The following AKAP7 variants were observed in gnomAD, a reference collection of about 807,000 sequenced individuals.
The protein encoded by AKAP7 is A-kinase anchoring protein 7.
Under a neutral mutation model 39.5 loss-of-function variants are expected in AKAP7, and 39 were observed. The observed-to-expected ratio is 0.99, with a 90% CI of 0.76 to 1.29. AKAP7 has a LOEUF of 1.29. Ranked by LOEUF, AKAP7 falls within the 50% of genes most tolerant of loss-of-function variation. AKAP7 has a pLI of 0.00. For missense variants in AKAP7, 414 were observed against 407.7 expected (o/e 1.02, Z -0.13); for synonymous variants, 140 against 139.1 (o/e 1.01, Z -0.05).
the AKAP7 span, among the ~76,000 whole-genome samples, chr6:131,126,990 C>A: frequency 1.3e-5 from 2 of 151,862 alleles, no homozygotes; most frequent in African/African-American, 2.4e-5. Flanking sequence ...AGAGACAGGG[C>A]AGGTAGATTT....
At chr6:131,280,334 G>C (rs1024057092) in intron 7 of AKAP7, among the ~76,000 whole-genome samples, 5 of 152,074 alleles carry the variant, frequency 3.3e-5, no homozygotes, top group South Asian at 2.1e-4. Flanking sequence ...GAATGATGGG[G>C]ATGGTTATAA....
intron 6 of AKAP7, among the ~76,000 whole-genome samples, chr6:131,201,767 GTA>G (rs1250675091): frequency 6.6e-6 from 1 of 152,062 alleles, no homozygotes; most frequent in Non-Finnish European, 1.5e-5. Context: ...ATTAATTTTT[GTA>G]TAAGGTGTAA....
chr6:131,241,942 C>G lies in AKAP7; in HGVS notation c.850+22134C>G, dbSNP rs915818349. 13 of 655,504 alleles carry G rather than the reference C, an allele frequency of 2.0e-5. No homozygotes were observed. In the Admixed American group the frequency reaches 3.8e-4, roughly 19 times the overall value. 40.6% of individuals were successfully genotyped at this position (655,504 alleles called of 1,614,324 possible). A position where few individuals can be genotyped will look rare whatever the true frequency, so the allele number is the denominator to read the frequency against. ...ATTGCATCTTCTACAGAGAAACTTGCTCTGGTAGAAATGAAGATAATGAGG... is the reference window on the plus strand; with the variant it reads ...ATTGCATCTTCTACAGAGAAACTTGGTCTGGTAGAAATGAAGATAATGAGG... On this transcript the variant is annotated intron_variant, in intron 7 of 7. Coordinates refer to ENST00000431975, the MANE Select transcript of AKAP7 (RefSeq NM_016377.4).
upstream of AKAP7, among the ~76,000 whole-genome samples, chr6:131,135,000 T>C (rs1020009026): frequency 6.6e-6 from 1 of 152,376 alleles, no homozygotes; most frequent in Admixed American, 6.5e-5. Context: ...TTCCTCTTAA[T>C]GTCTAAACAT....
At chr6:131,272,869 G>C (rs1042011443) in intron 7 of AKAP7, among the ~76,000 whole-genome samples, 1 of 152,158 alleles carries the variant, frequency 6.6e-6, no homozygotes. Flanking sequence ...GATTTGGTTA[G>C]TACTGTAGTT....
At chr6:131,177,070 C>G (rs1804654813) in intron 5 of AKAP7, among the ~76,000 whole-genome samples, 1 of 152,176 alleles carries the variant, frequency 6.6e-6, no homozygotes. Flanking sequence ...CTCTCTTAAT[C>G]CTTTTTATTC....
At chr6:131,193,839 AGT>A (rs1413453637) in intron 5 of AKAP7, among the ~76,000 whole-genome samples, 2 of 152,070 alleles carry the variant, frequency 1.3e-5, no homozygotes, top group African/African-American at 4.8e-5. Context: ...ATTGTCATAT[AGT>A]TACTCGTAGC....
At chr6:131,149,219 G>A (rs1231776306) in intron 2 of AKAP7, among the ~76,000 whole-genome samples, 6 of 152,148 alleles carry the variant, frequency 3.9e-5, no homozygotes, top group Non-Finnish European at 8.8e-5. Flanking sequence ...TTTTATTAGG[G>A]TTATAGTTTA....
At chr6:131,188,424 TA>T (rs1373730281) in intron 5 of AKAP7, among the ~76,000 whole-genome samples, 3 of 152,258 alleles carry the variant, frequency 2.0e-5, no homozygotes, top group African/African-American at 7.2e-5. Context: ...TTTCGTATTA[TA>T]TGTGACACAA....
intron 3 of AKAP7, among the ~76,000 whole-genome samples, chr6:131,163,794 G>T (rs959219560): frequency 2.0e-5 from 3 of 152,050 alleles, no homozygotes; most frequent in Non-Finnish European, 2.9e-5. Context: ...TTTGATGGGG[G>T]TACAGTAAAT....
intron 2 of AKAP7, among the ~76,000 whole-genome samples, chr6:131,153,778 ATG>A (rs1230486708): frequency 6.6e-6 from 1 of 152,220 alleles, no homozygotes; most frequent in African/African-American, 2.4e-5. Flanking sequence ...ACAGTAAAGA[ATG>A]TACTATACAT....
intron 4 of AKAP7, 51 bp from the exon 5 acceptor site, chr6:131,169,062 G>A (rs1241949857): frequency 3.4e-6 from 5 of 1,468,048 alleles, no homozygotes; most frequent in East Asian, 4.6e-5. Flanking sequence ...ATTTGGTTTT[G>A]TATATTTTAT....
chr6:131,174,976 A>G (rs1804435311), intron 5 of AKAP7, among the ~76,000 whole-genome samples: 2 of 151,620 alleles, frequency 1.3e-5, no homozygotes, highest in Non-Finnish European at 1.5e-5. Context: ...CTAATAGTCT[A>G]CTATTGACTG....
intron 5 of AKAP7, among the ~76,000 whole-genome samples, chr6:131,173,029 C>A (rs1457783846): frequency 6.6e-6 from 1 of 151,700 alleles, no homozygotes; most frequent in African/African-American, 2.4e-5. Flanking sequence ...TATGGTGAAA[C>A]CCCGTCTCTA....
chr6:131,255,089 T>C (rs1255361273), intron 7 of AKAP7, among the ~76,000 whole-genome samples: 1 of 152,182 alleles, frequency 6.6e-6, no homozygotes, highest in Non-Finnish European at 1.5e-5. Context: ...AGAAATCCTA[T>C]AGCCTTATAC....
At chr6:131,186,356 A>G (rs1272110969) in intron 5 of AKAP7, among the ~76,000 whole-genome samples, 1 of 152,084 alleles carries the variant, frequency 6.6e-6, no homozygotes, top group Non-Finnish European at 1.5e-5. Context: ...TGCTGGCATT[A>G]TGCTTCCTGT....
intron 6 of AKAP7, among the ~76,000 whole-genome samples, chr6:131,208,562 C>A (rs1808341375): frequency 6.6e-6 from 1 of 152,184 alleles, no homozygotes; most frequent in Non-Finnish European, 1.5e-5. Flanking sequence ...TCTTCAATAG[C>A]ATTTTCTGAG....
At chr6:131,184,070 T>C (rs1251636809) in intron 5 of AKAP7, among the ~76,000 whole-genome samples, 1 of 152,140 alleles carries the variant, frequency 6.6e-6, no homozygotes. Context: ...ATGCATTTCA[T>C]GGAGAGCAGA....
At chr6:131,144,078 A>G (rs1471676287) in intron 1 of AKAP7, among the ~76,000 whole-genome samples, 2 of 138,030 alleles carry the variant, frequency 1.4e-5, no homozygotes, top group African/African-American at 5.5e-5. Flanking sequence ...AGGGTTGGGG[A>G]TAAGGTCACA....
Sources: allele counts gnomAD v4.1 joint callset (sites outside exome capture counted in the v4.1 genomes callset), GRCh38; gene constraint gnomAD v4.1.1; transcripts MANE v1.5; gene names NCBI Gene and HGNC (gene_info 2026-07-23, HGNC 2026-07-21).